MAGI2: variants seen among roughly 807,000 people sequenced by gnomAD.
MAGI2 encodes the protein membrane-associated guanylate kinase, WW and PDZ domain-containing protein 2.
MAGI2 carries 35 observed loss-of-function variants against 133.3 expected under a neutral mutation model. That is an observed-to-expected ratio of 0.26 (90% confidence interval 0.20 to 0.35). The LOEUF is 0.35. Among genes scored for constraint, MAGI2 ranks in the 10% least tolerant of loss-of-function variants. The pLI, the probability that MAGI2 is intolerant of heterozygous loss-of-function variation, is 1.00. For synonymous variants in MAGI2, 729 were observed against 710.6 expected (o/e 1.03, Z -0.41); for missense variants, 1,636 against 1,863.4 (o/e 0.88, Z 2.25).
chr7:78,083,387 G>GGAGAGAGAGAGAGAGAGAGAGAGA (rs747230358), intron 20 of MAGI2, among the ~76,000 whole-genome samples: 21 of 33,300 alleles, frequency 6.3e-4, no homozygotes, highest in Admixed American at 2.7e-3. Context: ...AGGGAGGGGG[G>GGAGAGAGAGAGAGAGAGAGAGAGA]GAGAGAGAGA....
intron 2 of MAGI2, among the ~76,000 whole-genome samples, chr7:78,966,208 C>G (rs1803290538): frequency 6.6e-6 from 1 of 152,006 alleles, no homozygotes; most frequent in Non-Finnish European, 1.5e-5. Context: ...TGAGATCTAT[C>G]CTCTTAATAA....
At chr7:79,048,264 C>G (rs1562830483) in intron 1 of MAGI2, among the ~76,000 whole-genome samples, 1 of 152,038 alleles carries the variant, frequency 6.6e-6, no homozygotes, top group Non-Finnish European at 1.5e-5. Flanking sequence ...ATAGGTAAAA[C>G]CTTAGAAAAC....
intron 2 of MAGI2, among the ~76,000 whole-genome samples, chr7:78,956,563 A>G (rs549354086): frequency 6.6e-6 from 1 of 152,282 alleles, no homozygotes; most frequent in South Asian, 2.1e-4. Context: ...ATTTCTGACT[A>G]TTTCCTACAT....
intron 1 of MAGI2, among the ~76,000 whole-genome samples, chr7:79,072,862 G>T (rs764611313): frequency 6.6e-6 from 1 of 152,162 alleles, no homozygotes; most frequent in Non-Finnish European, 1.5e-5. Flanking sequence ...CTTAGCAGCT[G>T]CCCTTGTAAA....
intron 2 of MAGI2, among the ~76,000 whole-genome samples, chr7:78,681,435 T>C (rs1218322358): frequency 6.6e-6 from 1 of 152,210 alleles, no homozygotes; most frequent in African/African-American, 2.4e-5. Context: ...TTGCCATTTT[T>C]ATATATTACA....
chr7:78,300,495 A>T (rs943710257), intron 9 of MAGI2, among the ~76,000 whole-genome samples: 5 of 152,216 alleles, frequency 3.3e-5, no homozygotes, highest in African/African-American at 1.2e-4. Context: ...GAATTTTCAT[A>T]TAAGTAAAAC....
In MAGI2 at chr7:78,387,470, T is replaced by C. The variant is rs1795492797; in HGVS notation, c.1046-18257A>G. Among the ~76,000 whole-genome samples, 3 of 152,166 alleles carry C rather than the reference T, an allele frequency of 2.0e-5. No individual in the cohort carries two copies. In the South Asian group the frequency reaches 6.2e-4, roughly 32 times the overall value. On this transcript the variant is annotated intron_variant, in intron 6 of 21. Coordinates refer to ENST00000354212, the MANE Select transcript of MAGI2 (RefSeq NM_012301.4). ...AGGAGAAACCAATTGGGGAAAAGCC[T>C]GACAGGGAATTTGAACTTGAAAATT...
chr7:79,028,216 A>AAT (rs1554336292), intron 1 of MAGI2, among the ~76,000 whole-genome samples: 7 of 114,720 alleles, frequency 6.1e-5, no homozygotes, highest in Non-Finnish European at 7.0e-5. Flanking sequence ...ATCTCAAAAA[A>AAT]ATATATATAT....
intron 5 of MAGI2, among the ~76,000 whole-genome samples, chr7:78,500,900 C>A (rs1342181727): frequency 6.6e-6 from 1 of 152,116 alleles, no homozygotes; most frequent in African/African-American, 2.4e-5. Flanking sequence ...CCAGCCTTGG[C>A]AACAAGGCAA....
chr7:78,560,232 T>C (rs531237886), intron 3 of MAGI2, among the ~76,000 whole-genome samples: 2 of 152,200 alleles, frequency 1.3e-5, no homozygotes, highest in South Asian at 4.1e-4. Context: ...TTAGATGGGG[T>C]TAGGACTATA....
At chr7:79,071,400 T>C (rs1584856094) in intron 1 of MAGI2, among the ~76,000 whole-genome samples, 1 of 151,890 alleles carries the variant, frequency 6.6e-6, no homozygotes, top group East Asian at 1.9e-4. Flanking sequence ...TGCTGGGAGG[T>C]GTCTCCTAGT....
At chr7:78,063,877 C>A (rs1320512964) in intron 21 of MAGI2, among the ~76,000 whole-genome samples, 1 of 152,062 alleles carries the variant, frequency 6.6e-6, no homozygotes. Flanking sequence ...ATAGCAGAGC[C>A]TTTTTATTAA....
chr7:79,242,579 G>T (rs1401939765), intron 1 of MAGI2, among the ~76,000 whole-genome samples: 1 of 151,988 alleles, frequency 6.6e-6, no homozygotes, highest in African/African-American at 2.4e-5. Flanking sequence ...AGTTATCTAG[G>T]TACATTTTTA....
chr7:78,219,999 A>G (rs1368239142), intron 10 of MAGI2, among the ~76,000 whole-genome samples: 1 of 152,082 alleles, frequency 6.6e-6, no homozygotes, highest in African/African-American at 2.4e-5. Flanking sequence ...CTTTTCTTCT[A>G]TAGTGGTGTC....
chr7:79,216,437 G>A (rs1461882426), intron 1 of MAGI2, among the ~76,000 whole-genome samples: 1 of 151,888 alleles, frequency 6.6e-6, no homozygotes, highest in African/African-American at 2.4e-5. Flanking sequence ...CTGCCCTTGT[G>A]AAAAGGCAGA....
At chr7:78,072,861 A>G (rs141190601) in intron 21 of MAGI2, 78 of 398,500 alleles carry the variant, frequency 2.0e-4, no homozygotes, top group African/African-American at 1.4e-3. Flanking sequence ...AGGTCTCCCT[A>G]TGTTGCCTCT....
intron 2 of MAGI2, among the ~76,000 whole-genome samples, chr7:78,815,235 G>A (rs1563538187): frequency 6.6e-6 from 1 of 152,140 alleles, no homozygotes; most frequent in African/African-American, 2.4e-5. Context: ...TAGTTTTAAT[G>A]CAGCAAGGGT....
intron 1 of MAGI2, among the ~76,000 whole-genome samples, chr7:79,350,206 G>C (rs1356899822): frequency 1.3e-5 from 2 of 152,104 alleles, no homozygotes; most frequent in Non-Finnish European, 2.9e-5. Flanking sequence ...TTCCTTTAGG[G>C]TGTACCCAGT....
chr7:79,399,490 G>A (rs1845316880), intron 1 of MAGI2, among the ~76,000 whole-genome samples: 1 of 152,048 alleles, frequency 6.6e-6, no homozygotes. Context: ...CAGGGTTGTA[G>A]AGAGCATCTT....
Sources: gnomAD v4.1 joint callset for allele counts (sites outside exome capture counted in the v4.1 genomes callset) on GRCh38, gnomAD v4.1.1 for gene constraint, MANE v1.5 for transcripts, NCBI Gene and HGNC (gene_info 2026-07-23, HGNC 2026-07-21) for gene names.